The following FBXL4 variants were observed in gnomAD, a reference collection of about 807,000 sequenced individuals.
FBXL4 encodes the protein F-box/LRR-repeat protein 4.
FBXL4 carries 40 observed loss-of-function variants against 58.9 expected under a neutral mutation model. The observed-to-expected ratio is 0.68, with a 90% CI of 0.53 to 0.88. The LOEUF (loss-of-function observed/expected upper bound fraction) is 0.88. Among genes scored for constraint, FBXL4 ranks in the 40% least tolerant of loss-of-function variants. The probability of loss-of-function intolerance (pLI) is 0.00; values close to 1 mark genes in which losing one functional copy is unlikely to be tolerated. For missense variants in FBXL4, 676 were observed against 734.4 expected (o/e 0.92, Z 0.92); for synonymous variants, 263 against 265.5 (o/e 0.99, Z 0.09).
At chr6:98,944,410 T>C (rs974763245) in intron 1 of FBXL4, among the ~76,000 whole-genome samples, 1 of 152,136 alleles carries the variant, frequency 6.6e-6, no homozygotes, top group Admixed American at 6.5e-5. Flanking sequence ...AGGGATATGA[T>C]CATGCAAGTA....
intron 5 of FBXL4, among the ~76,000 whole-genome samples, chr6:98,913,065 C>A (rs1370287800): frequency 6.6e-6 from 1 of 151,840 alleles, no homozygotes; most frequent in Non-Finnish European, 1.5e-5. Context: ...CAACAAAGAT[C>A]AAAAGAGACA....
Position 98,926,652 on chromosome 6 carries a change from G to T in FBXL4, c.337C>A (p.Pro113Thr). 6.2e-7 allele frequency: 1 copy of T among 1,614,134 alleles called. No individual in the cohort carries two copies. The highest frequency in any genetic ancestry group is 8.5e-7 in the Non-Finnish European group (1 of 1,180,030). ...AAATTAGGTGGCGTCCTCTTGAATG[G>T]CAAGGAAGCACTAGGACACTGATCC... ...WWDQCPSASL[P>T]FKRTPPNFQS... The change falls in exon 4 of 10, where the codon CCA (proline) becomes ACA (threonine). Residue 113 changes from proline (P) to threonine (T), a missense_variant. Transcript: ENST00000369244.
chr6:98,901,422 G>A (rs189406302), intron 6 of FBXL4, among the ~76,000 whole-genome samples: 6 of 152,158 alleles, frequency 3.9e-5, no homozygotes, highest in Admixed American at 1.3e-4. Flanking sequence ...GACAGTTGAC[G>A]TAGTGTGTGT....
At chr6:98,912,223 G>A (rs1278425913) in intron 5 of FBXL4, among the ~76,000 whole-genome samples, 1 of 152,184 alleles carries the variant, frequency 6.6e-6, no homozygotes, top group Admixed American at 6.5e-5. Context: ...AAGTGACAGG[G>A]AGAATGGAAC....
At chr6:98,933,512 C>G (rs984472245) in intron 2 of FBXL4, among the ~76,000 whole-genome samples, 1 of 152,164 alleles carries the variant, frequency 6.6e-6, no homozygotes, top group Admixed American at 6.5e-5. Context: ...GGCTGGATGG[C>G]TCTGGAATGC....
rs1301002990 is a variant in FBXL4 at position 98,876,052 on chromosome 6, C to T, written c.1390-325G>A. On this transcript the variant is annotated intron_variant, in intron 8 of 9. Transcript: ENST00000369244. ...TCTTCTTTTATGCCCACCATTTCAA[C>T]CTTGCTGCTGCTACTCATTGACAGC... is the stretch of plus-strand genomic sequence containing the variant. Among the ~76,000 whole-genome samples, 3 of 152,286 alleles carry T rather than the reference C, an allele frequency of 2.0e-5. No homozygotes were observed. The East Asian group carries it at 5.8e-4, about 29-fold the overall frequency.
At chr6:98,914,684 T>A (rs997146922) in intron 5 of FBXL4, among the ~76,000 whole-genome samples, 4 of 152,166 alleles carry the variant, frequency 2.6e-5, no homozygotes, top group African/African-American at 9.7e-5. Flanking sequence ...TCATAAGAGC[T>A]ATCTATGACA....
chr6:98,917,318 A>T, intron 5 of FBXL4, 56 bp downstream of exon 5: 1 of 1,173,948 alleles, frequency 8.5e-7, no homozygotes. Context: ...TAATATCTAA[A>T]GATTAAAAAT....
At chr6:98,916,237 A>G (rs1772340273) in intron 5 of FBXL4, among the ~76,000 whole-genome samples, 1 of 152,088 alleles carries the variant, frequency 6.6e-6, no homozygotes, top group Non-Finnish European at 1.5e-5. Context: ...AACTAGTTCA[A>G]CCATTGTGGA....
chr6:98,946,912 G>T (rs751651443), intron 1 of FBXL4, among the ~76,000 whole-genome samples: 2 of 152,174 alleles, frequency 1.3e-5, no homozygotes, highest in Non-Finnish European at 2.9e-5. Context: ...AATGGAGGCA[G>T]GAAGTGAGCC....
At chr6:98,909,216 T>C (rs1771935745) in intron 5 of FBXL4, among the ~76,000 whole-genome samples, 1 of 152,198 alleles carries the variant, frequency 6.6e-6, no homozygotes, top group East Asian at 1.9e-4. Context: ...TGAAGATCAC[T>C]GGCTGAAGGG....
At chr6:98,932,910 GA>G (rs572882559) in intron 2 of FBXL4, among the ~76,000 whole-genome samples, 1,220 of 101,690 alleles carry the variant, frequency 0.012, 2 homozygotes, top group African/African-American at 0.029. Context: ...TGAAGTCATA[GA>G]AAAAAAAAAA....
intron 4 of FBXL4, among the ~76,000 whole-genome samples, chr6:98,921,111 T>A (rs2128402698): frequency 6.6e-6 from 1 of 152,274 alleles, no homozygotes; most frequent in African/African-American, 2.4e-5. Context: ...TCTGGAGCAT[T>A]CAATTCTGGG....
rs1055044734 is a variant in FBXL4 at position 98,917,619 on chromosome 6, T to C, written c.613A>G (p.Ile205Val). ...AGAGAACTATTTACTTCCAGTCGTATAAGATTTGTGGGGAAATTTATCTGC... is the reference window on the plus strand; with the variant it reads ...AGAGAACTATTTACTTCCAGTCGTACAAGATTTGTGGGGAAATTTATCTGC... ...IKQINFPTNL[I>V]RLEVNSSLLE... Residue 205 changes from isoleucine (I) to valine (V), a missense_variant, in exon 5 of 10, where the codon ATA (isoleucine) becomes GTA (valine). By Grantham distance (29) the Ile-to-Val change is conservative. Coordinates refer to ENST00000369244, the MANE Select transcript of FBXL4 (RefSeq NM_001278716.2). The C allele has an allele frequency of 2.5e-6, 4 of 1,613,912 alleles. No individual in the cohort carries two copies. Among genetic ancestry groups the C allele is most frequent in the South Asian group, 1.1e-5 (1 of 91,072 alleles).
intron 4 of FBXL4, among the ~76,000 whole-genome samples, chr6:98,921,845 C>T (rs1772594292): frequency 6.6e-6 from 1 of 151,924 alleles, no homozygotes; most frequent in South Asian, 2.1e-4. Context: ...AACTTTATTC[C>T]AATTGGTTTC....
rs528611814 is a variant in FBXL4 at position 98,889,057 on chromosome 6, C to T, written c.1318-8433G>A. 4.6e-5 allele frequency among the ~76,000 whole-genome samples: 7 copies of T among 152,298 alleles called. No homozygotes were observed. The East Asian group carries it at 1.4e-3, about 29-fold the overall frequency. ...TCAAGTTGGTCACATGACACTCAGC[C>T]ATTGTGAAATGCCAAAGGTAAAGAA... On this transcript the variant is annotated intron_variant, in intron 7 of 9. Transcript: ENST00000369244.
intron 1 of FBXL4, among the ~76,000 whole-genome samples, chr6:98,938,270 T>C (rs928683467): frequency 1.3e-5 from 2 of 152,180 alleles, no homozygotes; most frequent in African/African-American, 4.8e-5. Context: ...TCCATAGAGT[T>C]CACAGTTCTT....
intron 6 of FBXL4, among the ~76,000 whole-genome samples, chr6:98,900,668 T>A (rs1289882578): frequency 1.3e-5 from 2 of 152,160 alleles, no homozygotes; most frequent in Non-Finnish European, 2.9e-5. Flanking sequence ...AAGCACCCCA[T>A]AAACATTAAG....
intron 4 of FBXL4, among the ~76,000 whole-genome samples, chr6:98,918,339 C>T (rs2128401303): frequency 6.6e-6 from 1 of 152,162 alleles, no homozygotes; most frequent in East Asian, 1.9e-4. Flanking sequence ...AGGGGAATAA[C>T]ATTCTCCTAT....
Sources: allele counts gnomAD v4.1 joint callset (sites outside exome capture counted in the v4.1 genomes callset), GRCh38; gene constraint gnomAD v4.1.1; transcripts MANE v1.5; gene names NCBI Gene and HGNC (gene_info 2026-07-23, HGNC 2026-07-21).